ADAM23: variants seen among roughly 807,000 people sequenced by gnomAD.
ADAM23 encodes the protein disintegrin and metalloproteinase domain-containing protein 23.
In ADAM23, 33 loss-of-function variants were observed where a neutral mutation model predicts 120.1. That is an observed-to-expected ratio of 0.27 (90% CI 0.21 to 0.37). The LOEUF is 0.37. ADAM23 is among the 10% of genes least tolerant of loss of function. ADAM23 has a pLI of 1.00. For missense variants in ADAM23, 862 were observed against 1,058.2 expected (o/e 0.81, Z 2.57); for synonymous variants, 367 against 375.2 (o/e 0.98, Z 0.25).
At chr2:206,448,117 A>G (rs1695119000) in intron 2 of ADAM23, among the ~76,000 whole-genome samples, 1 of 152,204 alleles carries the variant, frequency 6.6e-6, no homozygotes, top group Admixed American at 6.5e-5. Context: ...ATCTGCATAG[A>G]GTGATGTATA....
chr2:206,561,929 G>A (rs980911516), intron 12 of ADAM23, among the ~76,000 whole-genome samples: 1 of 152,102 alleles, frequency 6.6e-6, no homozygotes, highest in South Asian at 2.1e-4. Flanking sequence ...TCTTAGTTTG[G>A]TATAAGTTGA....
At chr2:206,524,467 C>T (rs1453777745) in intron 3 of ADAM23, among the ~76,000 whole-genome samples, 1 of 152,194 alleles carries the variant, frequency 6.6e-6, no homozygotes, top group African/African-American at 2.4e-5. Context: ...CTACTCAAGG[C>T]TTTCCTAAAA....
At position 206,464,581 on chromosome 2, in the gene ADAM23, A is replaced by AAAT. The variant is rs571927947; in HGVS notation, c.433-16636_433-16634dup. ...CAGAGTGAGACTGTCTCAAAAAAAA[A>AAAT]AATAATAATAATAATAAAAAGAAAC... On this transcript the variant is annotated intron_variant, in intron 2 of 25. Coordinates refer to ENST00000264377, the MANE Select transcript of ADAM23 (RefSeq NM_003812.4). Among the ~76,000 whole-genome samples, 20 of 152,024 alleles carry AAAT rather than the reference A, an allele frequency of 1.3e-4. No individual in the cohort carries two copies. The South Asian group carries it at 1.5e-3, about 11-fold the overall frequency.
intron 25 of ADAM23, among the ~76,000 whole-genome samples, chr2:206,615,150 A>T (rs939770498): frequency 6.6e-5 from 10 of 152,320 alleles, no homozygotes; most frequent in Admixed American, 6.5e-4. Flanking sequence ...TTACTGAAAG[A>T]GTCTTGCTTT....
At chr2:206,574,801 T>C (rs1276943416) in intron 18 of ADAM23, among the ~76,000 whole-genome samples, 1 of 152,234 alleles carries the variant, frequency 6.6e-6, no homozygotes, top group Non-Finnish European at 1.5e-5. Context: ...ATAATTAATA[T>C]TGCCCTCTAA....
Position 206,443,930 on chromosome 2 carries a change from T to G in ADAM23, c.64T>G (p.Ser22Ala). 1 of 1,234,788 alleles carries G rather than the reference T, an allele frequency of 8.1e-7. No individual in the cohort carries two copies. The highest frequency in any genetic ancestry group is 1.0e-6 in the Non-Finnish European group (1 of 993,042). 76.5% of individuals were successfully genotyped at this position (1,234,788 alleles called of 1,614,324 possible). A position where few individuals can be genotyped will look rare whatever the true frequency, so the allele number is the denominator to read the frequency against. ...GGCGGGCTGCAGCCTTGCCGGCGCT[T>G]CCTGCGGCCCCCAACGCGGCCCCGC... Reference protein sequence around the residue: ...PLAGCSLAGASCGPQRGPAGS... With the variant: ...PLAGCSLAGAACGPQRGPAGS... Residue 22 changes from serine to alanine, a missense_variant, in exon 1 of 26, where the codon TCC (serine) becomes GCC (alanine). Ser to Ala is a moderately conservative substitution (Grantham distance 99). This residue lies in a region of ADAM23 where 225 missense variants were observed against 204.0 expected (regional missense o/e 1.10). Transcript: ENST00000264377.
At position 206,542,047 on chromosome 2, in the gene ADAM23, T is replaced by C. The variant is rs1697301054; in HGVS notation, c.574-5T>C. ...TACAACCAATCAATGAAACCTGCTT[T>C]CCAGGGTGGAGAGCACTGTTACTAC... On this transcript the variant is annotated splice_polypyrimidine_tract_variant and splice_region_variant and intron_variant, in intron 4 of 25. Transcript: ENST00000264377. The C allele has an allele frequency of 6.2e-7, 1 of 1,613,982 alleles. No homozygotes were observed. The highest frequency in any genetic ancestry group is 8.5e-7 in the Non-Finnish European group (1 of 1,179,980).
chr2:206,504,820 T>C (rs1696462629), intron 3 of ADAM23, among the ~76,000 whole-genome samples: 1 of 152,178 alleles, frequency 6.6e-6, no homozygotes, highest in Non-Finnish European at 1.5e-5. Context: ...GTCATTCTCC[T>C]TTACTAATAG....
In ADAM23 at chr2:206,527,772, G is replaced by A. The variant is rs564749003; in HGVS notation, c.510-3113G>A. Among the ~76,000 whole-genome samples the A allele has an allele frequency of 2.0e-5, 3 of 152,318 alleles. No individual in the cohort carries two copies. The East Asian group carries it at 5.8e-4, about 29-fold the overall frequency. ...TAATTAGTTTCAAGGGAGGCTGGCT[G>A]TGGTCAGACAGAAGGAAAGAATGGA... On this transcript the variant is annotated intron_variant, in intron 3 of 25. Coordinates refer to ENST00000264377, the MANE Select transcript of ADAM23 (RefSeq NM_003812.4).
chr2:206,492,921 TA>T (rs1696162807), intron 3 of ADAM23, among the ~76,000 whole-genome samples: 1 of 152,158 alleles, frequency 6.6e-6, no homozygotes, highest in African/African-American at 2.4e-5. Flanking sequence ...CTTAGAGAAA[TA>T]AAAAACTTTA....
At chr2:206,459,871 A>G (rs1264657084) in intron 2 of ADAM23, among the ~76,000 whole-genome samples, 2 of 152,166 alleles carry the variant, frequency 1.3e-5, no homozygotes, top group East Asian at 3.9e-4. Flanking sequence ...GTTCCCTTAA[A>G]AAACTATCCA....
At chr2:206,494,315 T>C (rs1696192574) in intron 3 of ADAM23, among the ~76,000 whole-genome samples, 1 of 152,220 alleles carries the variant, frequency 6.6e-6, no homozygotes, top group Non-Finnish European at 1.5e-5. Context: ...ACTGTTCATA[T>C]TTATTCATTA....
rs1697736918 is a variant in ADAM23, at chr2:206,560,256, G to A, written c.1169+138G>A. ...GTGGGTTCCTTTGTCTGTTAGATAA[G>A]AAGCATGGAGTTAGGATATCCCATG... On this transcript the variant is annotated intron_variant, in intron 11 of 25. Transcript: ENST00000264377. 7 of 891,020 alleles carry A rather than the reference G, an allele frequency of 7.9e-6. No individual in the cohort carries two copies. In the South Asian group the frequency reaches 1.4e-4, roughly 17 times the overall value. The allele number at this position is 891,020 out of a possible 1,614,324, so 55.2% of individuals were successfully genotyped here.
At chr2:206,496,907 A>G (rs1391638587) in intron 3 of ADAM23, among the ~76,000 whole-genome samples, 1 of 152,244 alleles carries the variant, frequency 6.6e-6, no homozygotes, top group Non-Finnish European at 1.5e-5. Context: ...TCTAGAAGAA[A>G]TGGATAAATT....
intron 2 of ADAM23, among the ~76,000 whole-genome samples, chr2:206,446,067 A>G (rs1185843960): frequency 1.3e-5 from 2 of 152,224 alleles, no homozygotes; most frequent in Non-Finnish European, 2.9e-5. Context: ...ACAATTTGAC[A>G]TTTAAAAAGA....
At chr2:206,543,406 A>G in intron 6 of ADAM23, 90 bp downstream of exon 6, 1 of 1,138,238 alleles carries the variant, frequency 8.8e-7, no homozygotes, top group Non-Finnish European at 1.3e-6. Flanking sequence ...GTAGATTTCA[A>G]AGTGCCTTTG....
intron 18 of ADAM23, among the ~76,000 whole-genome samples, chr2:206,581,803 A>G (rs1222384926): frequency 1.3e-5 from 2 of 152,106 alleles, no homozygotes; most frequent in Admixed American, 6.5e-5. Context: ...TGACCTGTCT[A>G]GTGCTGTCAG....
intron 9 of ADAM23, among the ~76,000 whole-genome samples, chr2:206,555,792 A>C (rs994832585): frequency 1.3e-4 from 20 of 152,360 alleles, no homozygotes; most frequent in Admixed American, 1.2e-3. Flanking sequence ...CTGCATTAGA[A>C]GAATAGATAT....
chr2:206,455,285 T>C (rs1695275032), intron 2 of ADAM23, among the ~76,000 whole-genome samples: 1 of 152,236 alleles, frequency 6.6e-6, no homozygotes, highest in Non-Finnish European at 1.5e-5. Flanking sequence ...GAGCTGTACC[T>C]TGGCTCTTTC....
Sources: gnomAD v4.1 joint callset for allele counts (sites outside exome capture counted in the v4.1 genomes callset) on GRCh38, gnomAD v4.1.1 for gene constraint, gnomAD v4.1.1 regional missense constraint, MANE v1.5 for transcripts, NCBI Gene and HGNC (gene_info 2026-07-23, HGNC 2026-07-21) for gene names.